TRIM22: variants seen among roughly 807,000 people sequenced by gnomAD.
TRIM22 encodes the protein tripartite motif containing 22.
A neutral mutation model predicts 53.6 loss-of-function variants in TRIM22; 45 were observed. That is an observed-to-expected ratio of 0.84 (90% CI 0.66 to 1.08). The LOEUF (loss-of-function observed/expected upper bound fraction) is 1.08, where lower values mean the gene tolerates loss of function less well. TRIM22 is among the 50% of genes least tolerant of loss of function. TRIM22 has a pLI of 0.00. For missense variants in TRIM22, 616 were observed against 590.9 expected (o/e 1.04, Z -0.44); for synonymous variants, 225 against 216.6 (o/e 1.04, Z -0.34).
chr11:5,703,173 A>T (rs1320405304), intron 4 of TRIM22, among the ~76,000 whole-genome samples: 2 of 152,204 alleles, frequency 1.3e-5, no homozygotes, highest in African/African-American at 4.8e-5. Context: ...TTACCCAATC[A>T]GTAGTTTTTC....
rs1301504074 is a variant in TRIM22, at chr11:5,710,002, C to T, written c.*354C>T. 9.8e-6 allele frequency: 2 copies of T among 204,604 alleles called. No homozygotes were observed. The highest frequency in any genetic ancestry group is 2.2e-4 in the East Asian group (2 of 8,966). The allele number at this position is 204,604 out of a possible 1,614,324, so 12.7% of individuals were successfully genotyped here. On this transcript the variant is annotated 3_prime_UTR_variant, in exon 8 of 8. Coordinates refer to ENST00000379965, the MANE Select transcript of TRIM22 (RefSeq NM_006074.5). ...ATTGTCTTTATGTACATCTCTGTGC[C>T]CAAGTTTTCCCTTTTTATTAAGACA... is the stretch of plus-strand genomic sequence containing the variant.
chr11:5,693,027 T>C (rs1358063532), intron 1 of TRIM22, among the ~76,000 whole-genome samples: 7 of 151,612 alleles, frequency 4.6e-5, no homozygotes. Flanking sequence ...AAGCAACTGC[T>C]GTCACACCTG....
At chr11:5,708,084 A>C (rs1853490240) in intron 5 of TRIM22, 89 bp from the exon 6 acceptor site, 11 of 1,072,150 alleles carry the variant, frequency 1.0e-5, no homozygotes, top group South Asian at 5.4e-5. Context: ...GTGCGTCAGC[A>C]AGTATGGTGA....
chr11:5,698,441 C>G lies in TRIM22; in HGVS notation c.646C>G (p.Leu216Val), dbSNP rs1255737960. Reference protein sequence around the residue: ...EEGEVNVLDNLAAATDQLVQQ... With the variant: ...EEGEVNVLDNVAAATDQLVQQ... ...AGGTGAGGTGAATGTGCTGGATAAC[C>G]TGGCAGCAGCTACAGACCAGCTGGT... Residue 216 changes from leucine (L) to valine (V), a missense_variant, in exon 4 of 8, where the codon CTG (leucine) becomes GTG (valine). Coordinates refer to ENST00000379965, the MANE Select transcript of TRIM22 (RefSeq NM_006074.5). 6.2e-7 allele frequency: 1 copy of G among 1,614,130 alleles called. No individual in the cohort carries two copies. The highest frequency in any genetic ancestry group is 8.5e-7 in the Non-Finnish European group (1 of 1,180,016).
At chr11:5,705,012 T>A (rs1008623261) in intron 4 of TRIM22, among the ~76,000 whole-genome samples, 2 of 152,188 alleles carry the variant, frequency 1.3e-5, no homozygotes, top group African/African-American at 4.8e-5. Flanking sequence ...TAACCTCTAT[T>A]CCTTTTGATT....
chr11:5,704,237 T>A (rs532368868), intron 4 of TRIM22, among the ~76,000 whole-genome samples: 17 of 151,100 alleles, frequency 1.1e-4, no homozygotes, highest in South Asian at 1.0e-3. Flanking sequence ...TTTTTACTCT[T>A]TTCTTCTTTA....
intron 1 of TRIM22, among the ~76,000 whole-genome samples, chr11:5,694,711 AAAG>A (rs751225678): frequency 6.6e-6 from 1 of 152,232 alleles, no homozygotes; most frequent in South Asian, 2.1e-4. Flanking sequence ...TATGAAGAAT[AAAG>A]AAGTCAAAAT....
Position 5,710,363 on chromosome 11 carries a change from C to T in TRIM22, c.*715C>T, listed in dbSNP as rs1353023529. Reference sequence around the variant, plus strand: ...TTTCTTTTCTTCCTCATTTCCTCTGCCCCTTAAAAGATTGAAGAAAGAGAA... The same window carrying T: ...TTTCTTTTCTTCCTCATTTCCTCTGTCCCTTAAAAGATTGAAGAAAGAGAA... On this transcript the variant is annotated 3_prime_UTR_variant, in exon 8 of 8. Coordinates refer to ENST00000379965, the MANE Select transcript of TRIM22 (RefSeq NM_006074.5). 1.3e-5 allele frequency: 2 copies of T among 152,140 alleles called. No homozygotes were observed. Among genetic ancestry groups the T allele is most frequent in the African/African-American group, 4.8e-5 (2 of 41,408 alleles). The allele number at this position is 152,140 out of a possible 1,614,324, so 9.4% of individuals were successfully genotyped here. A position where few individuals can be genotyped will look rare whatever the true frequency, so the allele number is the denominator to read the frequency against.
At chr11:5,706,929 C>T (rs1420846978) in intron 5 of TRIM22, among the ~76,000 whole-genome samples, 1 of 152,166 alleles carries the variant, frequency 6.6e-6, no homozygotes, top group Non-Finnish European at 1.5e-5. Flanking sequence ...TGTCTTATTG[C>T]AGTGAGGCTC....
chr11:5,698,378 G>A lies in TRIM22; in HGVS notation c.583G>A (p.Asp195Asn). The A allele has an allele frequency of 6.2e-7, 1 of 1,614,218 alleles. No homozygotes were observed. The highest frequency in any genetic ancestry group is 8.5e-7 in the Non-Finnish European group (1 of 1,180,038). Reference sequence around the variant, plus strand: ...GTTCAATGAAATGAGAGTCATCTTGGACAATGAGGAGCAGAGAGAGCTGCA... The same window carrying A: ...GTTCAATGAAATGAGAGTCATCTTGAACAATGAGGAGCAGAGAGAGCTGCA... ...KGFNEMRVIL[D>N]NEEQRELQKL... Residue 195 changes from aspartate (D) to asparagine (N), a missense_variant, in exon 4 of 8, where the codon GAC becomes AAC. Coordinates refer to ENST00000379965, the MANE Select transcript of TRIM22 (RefSeq NM_006074.5).
chr11:5,702,861 T>C (rs1335450727), intron 4 of TRIM22, among the ~76,000 whole-genome samples: 3 of 152,214 alleles, frequency 2.0e-5, no homozygotes, highest in African/African-American at 7.2e-5. Context: ...ATTTCCTTCA[T>C]TATTGCGGGA....
At chr11:5,700,936 G>A (rs1047799608) in intron 4 of TRIM22, among the ~76,000 whole-genome samples, 5 of 152,050 alleles carry the variant, frequency 3.3e-5, no homozygotes, top group South Asian at 2.1e-4. Flanking sequence ...GAATTTTGTC[G>A]AATAGCTTTT....
At chr11:5,694,984 A>G (rs1342958047) in intron 1 of TRIM22, among the ~76,000 whole-genome samples, 1 of 152,166 alleles carries the variant, frequency 6.6e-6, no homozygotes, top group Non-Finnish European at 1.5e-5. Flanking sequence ...AAAAGGTCTA[A>G]TCATCTATGG....
intron 3 of TRIM22, 60 bp from the exon 4 acceptor site, chr11:5,698,255 C>T (rs117064750): frequency 0.026 from 36,100 of 1,370,616 alleles, 552 homozygotes; most frequent in Non-Finnish European, 0.032. Flanking sequence ...CTCCCAGGCT[C>T]ATACAAAGCA....
intron 1 of TRIM22, among the ~76,000 whole-genome samples, chr11:5,695,780 G>C (rs928458148): frequency 1.3e-5 from 2 of 152,184 alleles, no homozygotes; most frequent in South Asian, 4.1e-4. Flanking sequence ...CATTCAGAGA[G>C]AAAAGCCTGT....
At chr11:5,700,070 A>G (rs1853345405) in intron 4 of TRIM22, among the ~76,000 whole-genome samples, 2 of 150,412 alleles carry the variant, frequency 1.3e-5, no homozygotes, top group African/African-American at 4.9e-5. Flanking sequence ...GAATCATGTC[A>G]TCTGAGAATA....
rs994677819 is a variant in TRIM22, at chr11:5,695,768, G to A, written c.-66-399G>A. Among the ~76,000 whole-genome samples the A allele has an allele frequency of 5.3e-5, 8 of 152,264 alleles. No individual in the cohort carries two copies. In the South Asian group the frequency reaches 1.7e-3, roughly 32 times the overall value. On this transcript the variant is annotated intron_variant, in intron 1 of 7. Transcript: ENST00000379965. ...ATGCAAATATTGGGGATACAATCAT[G>A]CCATTCAGAGAGAAAAGCCTGTGTG...
At chr11:5,708,528 A>T (rs1387573967) in intron 6 of TRIM22, 49 bp from the exon 7 acceptor site, 1 of 1,564,696 alleles carries the variant, frequency 6.4e-7, no homozygotes, top group Admixed American at 1.9e-5. Flanking sequence ...AGGTGTCAGT[A>T]CTTACTTATT....
chr11:5,696,833 T>C (rs1853271463), intron 2 of TRIM22, 178 bp downstream of exon 2: 7 of 657,004 alleles, frequency 1.1e-5, no homozygotes, highest in Non-Finnish European at 1.7e-5. Context: ...TGCACATTGT[T>C]TTATTTAAAA....
Sources: gnomAD v4.1 joint callset for allele counts (sites outside exome capture counted in the v4.1 genomes callset) on GRCh38, gnomAD v4.1.1 for gene constraint, MANE v1.5 for transcripts, NCBI Gene and HGNC (gene_info 2026-07-23, HGNC 2026-07-21) for gene names.